NFE2L3: variants seen among roughly 807,000 people sequenced by gnomAD.
The protein encoded by NFE2L3 is NFE2 like bZIP transcription factor 3.
A neutral mutation model predicts 23.5 loss-of-function variants in NFE2L3; 18 were observed. That is an observed-to-expected ratio of 0.77 (90% CI 0.53 to 1.13). NFE2L3 has a LOEUF of 1.13. NFE2L3 is among the 50% of genes most tolerant of loss of function. The pLI is 0.00. For missense variants in NFE2L3, 1,152 were observed against 877.2 expected, an observed-to-expected ratio of 1.31 and a Z score of -3.96; for synonymous variants, 424 against 354.5, an observed-to-expected ratio of 1.20 and a Z score of -2.20.
chr7:26,184,091 T>G, intron 3 of NFE2L3: 3 of 399,384 alleles, frequency 7.5e-6, no homozygotes, highest in Non-Finnish European at 1.4e-5. Flanking sequence ...TGCACCCCCA[T>G]GTTTATTGCA....
intron 2 of NFE2L3, among the ~76,000 whole-genome samples, chr7:26,182,501 GTAGTCCCAGC>G (rs1283351081): frequency 6.6e-6 from 1 of 151,904 alleles, no homozygotes; most frequent in African/African-American, 2.4e-5. Context: ...ACACATGCCT[GTAGTCCCAGC>G]TATTCGGGAG....
Position 26,184,618 on chromosome 7 carries a change from A to G in NFE2L3, c.920A>G (p.Gln307Arg). 6.2e-7 allele frequency: 1 copy of G among 1,613,888 alleles called. No individual in the cohort carries two copies. The highest frequency in any genetic ancestry group is 2.2e-5 in the East Asian group (1 of 44,872). The part of the protein sequence containing the change: ...SSAHYHVNFS[Q>R]AISQDVNLHE... ...GCACATTATCATGTAAACTTCAGCC[A>G]GGCTATAAGTCAGGATGTGAATCTT... The change falls in exon 4 of 4, where the codon CAG becomes CGG. Residue 307 changes from glutamine (Q) to arginine (R), a missense_variant. Coordinates refer to ENST00000056233, the MANE Select transcript of NFE2L3 (RefSeq NM_004289.7).
At chr7:26,162,271 T>C (rs1391421366) in intron 1 of NFE2L3, among the ~76,000 whole-genome samples, 1 of 151,306 alleles carries the variant, frequency 6.6e-6, no homozygotes, top group Non-Finnish European at 1.5e-5. Context: ...GGTGCCTCCA[T>C]TTGTCAAAGT....
intron 1 of NFE2L3, among the ~76,000 whole-genome samples, chr7:26,168,796 G>A (rs11979154): frequency 0.069 from 10,444 of 152,078 alleles, 810 homozygotes; most frequent in East Asian, 0.36. Flanking sequence ...AGGAATCTCC[G>A]TACTGTTTTC....
At chr7:26,182,400 G>A (rs952183839) in intron 2 of NFE2L3, among the ~76,000 whole-genome samples, 5 of 147,464 alleles carry the variant, frequency 3.4e-5, no homozygotes, top group African/African-American at 1.1e-4. Flanking sequence ...AAGGCAGGTG[G>A]ATCACCTGTG....
intron 1 of NFE2L3, among the ~76,000 whole-genome samples, chr7:26,159,080 T>G (rs1017484731): frequency 1.3e-5 from 2 of 152,238 alleles, no homozygotes; most frequent in African/African-American, 4.8e-5. Context: ...CTCTGCGTTT[T>G]GTGGGATGCC....
chr7:26,153,168 C>T, intron 1 of NFE2L3, 100 bp downstream of exon 1: 1 of 1,216,100 alleles, frequency 8.2e-7, no homozygotes, highest in Non-Finnish European at 1.1e-6. Flanking sequence ...TCGCTGTGTC[C>T]TGGCACCCTT....
chr7:26,168,447 G>T (rs1294514912), intron 1 of NFE2L3, among the ~76,000 whole-genome samples: 1 of 38,120 alleles, frequency 2.6e-5, no homozygotes, highest in Non-Finnish European at 4.7e-5. Context: ...TTCCATCCAG[G>T]TTGCTGTGAA....
rs764065963 is a variant in NFE2L3 at position 26,185,327 on chromosome 7, A to T, written c.1629A>T (p.Lys543Asn). The change falls in exon 4 of 4, where the codon AAA becomes AAT. Residue 543 changes from lysine (K) to asparagine (N), a missense_variant. Lys to Asn is a moderately conservative substitution (Grantham distance 94). Transcript: ENST00000056233. ...RNLSRDEQRAKALHIPFSVDE... is the reference protein window; with the variant it reads ...RNLSRDEQRANALHIPFSVDE... ...TGAGCCGTGATGAACAGCGTGCTAA[A>T]GCTTTGCATATCCCTTTTTCTGTAG... The T allele has an allele frequency of 8.7e-6, 14 of 1,613,940 alleles. No homozygotes were observed. The South Asian group carries it at 1.5e-4, about 18-fold the overall frequency.
chr7:26,181,944 A>G (rs1583939159), intron 2 of NFE2L3, among the ~76,000 whole-genome samples: 1 of 152,202 alleles, frequency 6.6e-6, no homozygotes, highest in South Asian at 2.1e-4. Context: ...GATGCAAAAT[A>G]TGAAAGCAAA....
intron 1 of NFE2L3, among the ~76,000 whole-genome samples, chr7:26,169,545 C>T (rs1183492750): frequency 6.6e-6 from 1 of 152,190 alleles, no homozygotes; most frequent in East Asian, 1.9e-4. Flanking sequence ...TGGGAATAGC[C>T]ACAAGTCCTC....
chr7:26,159,865 A>G (rs994750152), intron 1 of NFE2L3, among the ~76,000 whole-genome samples: 1 of 152,078 alleles, frequency 6.6e-6, no homozygotes, highest in Non-Finnish European at 1.5e-5. Flanking sequence ...TCTGCTCACT[A>G]TAAAACTTCA....
chr7:26,175,516 G>A (rs1460350577), intron 1 of NFE2L3, among the ~76,000 whole-genome samples: 1 of 152,036 alleles, frequency 6.6e-6, no homozygotes, highest in Admixed American at 6.5e-5. Context: ...GGTGGCTCAC[G>A]CCTGTAATCC....
intron 1 of NFE2L3, among the ~76,000 whole-genome samples, chr7:26,170,261 A>G (rs1784315448): frequency 6.6e-6 from 1 of 152,158 alleles, no homozygotes; most frequent in Admixed American, 6.5e-5. Flanking sequence ...AAGAAGAAAT[A>G]TCCACTGTAG....
intron 1 of NFE2L3, among the ~76,000 whole-genome samples, chr7:26,171,995 G>A (rs1784333948): frequency 1.3e-5 from 2 of 152,180 alleles, no homozygotes; most frequent in Non-Finnish European, 2.9e-5. Context: ...ATCCTTATTG[G>A]TGAAGCATTC....
chr7:26,168,886 T>C (rs1460889873), intron 1 of NFE2L3, among the ~76,000 whole-genome samples: 1 of 152,200 alleles, frequency 6.6e-6, no homozygotes, highest in Non-Finnish European at 1.5e-5. Flanking sequence ...AAAATATGAA[T>C]TAGATATTAT....
Position 26,177,969 on chromosome 7 carries a change from C to G in NFE2L3, c.597C>G (p.His199Gln). ...AGAATGGGGTACTAAGAGAAAAGCA[C>G]GAAGCTGTGGATCATAGTTCCCAGC... The part of the protein sequence containing the change: ...SEENGVLREK[H>Q]EAVDHSSQHE... The change falls in exon 2 of 4, where the codon CAC (histidine) becomes CAG (glutamine). Residue 199 changes from histidine to glutamine, a missense_variant. His to Gln is a conservative substitution (Grantham distance 24). Transcript: ENST00000056233. 6.2e-7 allele frequency: 1 copy of G among 1,613,336 alleles called. No individual in the cohort carries two copies. Among genetic ancestry groups the G allele is most frequent in the Non-Finnish European group, 8.5e-7 (1 of 1,179,780 alleles).
In NFE2L3 at chr7:26,152,598, C is replaced by T. The variant is rs766913707; in HGVS notation, c.100C>T (p.Leu34=). The change falls in exon 1 of 4, where the codon CTG becomes TTG. Residue 34 remains leucine, a synonymous_variant. Transcript: ENST00000056233. The surrounding 1 kb of genome is among the most constrained non-coding windows in gnomAD (Gnocchi z 4.4). ...GCTCCGCGTAGACCTAGATCTTTAC[C>T]TGCTGCTGCCGCCGCCCACCCTGCT... is the stretch of plus-strand genomic sequence containing the variant. ...AGLRVDLDLY[L]LLPPPTLLQD... is the part of the protein sequence containing the mutation. The T allele has an allele frequency of 7.8e-6, 12 of 1,540,454 alleles. No homozygotes were observed. Among genetic ancestry groups the T allele is most frequent in the Non-Finnish European group, 8.6e-6 (10 of 1,157,978 alleles).
chr7:26,175,687 G>A lies in NFE2L3; in HGVS notation c.571-2256G>A, dbSNP rs201531220. The stretch of plus-strand genomic sequence containing the variant: ...CCAGTTACTGGGGAGGCTGAGGCAG[G>A]AGAATGGCGTGAACCCGGGAGGCCG... On this transcript the variant is annotated intron_variant, in intron 1 of 3. Transcript: ENST00000056233. 2.6e-4 allele frequency among the ~76,000 whole-genome samples: 39 copies of A among 150,116 alleles called. No homozygotes were observed. The East Asian group carries it at 7.2e-3, about 28-fold the overall frequency.
Sources: gnomAD v4.1 joint callset for allele counts (sites outside exome capture counted in the v4.1 genomes callset) on GRCh38, gnomAD v4.1.1 for gene constraint, Gnocchi (gnomAD v3.1) non-coding constraint, MANE v1.5 for transcripts, NCBI Gene and HGNC (gene_info 2026-07-23, HGNC 2026-07-21) for gene names.